EMC3: variants seen among roughly 807,000 people sequenced by gnomAD.
EMC3 encodes 30 kDa protein.
A neutral mutation model predicts 36.6 loss-of-function variants in EMC3; 13 were observed. The observed-to-expected ratio is 0.35, with a 90% confidence interval of 0.23 to 0.56. The LOEUF (loss-of-function observed/expected upper bound fraction) is 0.56. Among genes scored for constraint, EMC3 ranks in the 20% least tolerant of loss-of-function variants. The pLI, the probability that EMC3 is intolerant of heterozygous loss-of-function variation, is 0.84. For synonymous variants in EMC3, 120 were observed against 111.9 expected (o/e 1.07, Z -0.46); for missense variants, 220 against 324.5 (o/e 0.68, Z 2.47).
At chr3:9,969,392 T>G in intron 7 of EMC3, 2 of 1,179,792 alleles carry the variant, frequency 1.7e-6, no homozygotes, top group South Asian at 3.7e-5. Context: ...TAATGCAATT[T>G]ATATCTGATG....
chr3:10,008,404 C>A (rs200165997), intron 1 of EMC3: 2 of 1,367,626 alleles, frequency 1.5e-6, no homozygotes, highest in South Asian at 1.1e-5. Context: ...AAGTGTCTAC[C>A]TGGGCCGGCA....
upstream of EMC3, chr3:9,986,871 C>G (rs562003431): frequency 2.2e-6 from 3 of 1,368,676 alleles, no homozygotes; most frequent in Non-Finnish European, 2.8e-6. Flanking sequence ...CACGTCGTGG[C>G]GCACCTCAGT....
intron 7 of EMC3, 41 bp from the exon 8 acceptor site, chr3:9,964,238 T>C: frequency 1.2e-6 from 2 of 1,607,822 alleles, no homozygotes. Context: ...GAGAGGGAAT[T>C]GTTACTGACA....
At chr3:9,968,769 T>G (rs2085756541) in intron 7 of EMC3, 1 of 151,996 alleles carries the variant, frequency 6.6e-6, no homozygotes, top group African/African-American at 2.4e-5. Flanking sequence ...CTCAGCCTCC[T>G]GGGTGGCTGG....
chr3:9,969,021 C>T (rs1339051443), intron 7 of EMC3: 1 of 152,362 alleles, frequency 6.6e-6, no homozygotes. Context: ...AAAGAGGTTT[C>T]ACCATGTTGG....
rs1553602247 is a variant in EMC3 at position 9,963,450 on chromosome 3, G to GATAGATAGATAGATAGAT, written c.*618_*619insATCTATCTATCTATCTAT. ...CCTTCGAAGACTGGGCTTCTGCTAA[G>GATAGATAGATAGATAGAT]ATAGATATATATATATATATATATA... On this transcript the variant is annotated 3_prime_UTR_variant, in exon 8 of 8. Transcript: ENST00000245046. 1 of 77,650 alleles carries GATAGATAGATAGATAGAT rather than the reference G, an allele frequency of 1.3e-5. No individual in the cohort carries two copies. The allele number at this position is 77,650 out of a possible 1,614,324, so 4.8% of individuals were successfully genotyped here. A position where few individuals can be genotyped will look rare whatever the true frequency, so the allele number is the denominator to read the frequency against.
At chr3:9,995,010 A>C (rs181756262) in intron 1 of EMC3, among the ~76,000 whole-genome samples, 1 of 151,464 alleles carries the variant, frequency 6.6e-6, no homozygotes, top group African/African-American at 2.4e-5. Flanking sequence ...AACGCATCTG[A>C]ATGGAACTTT....
chr3:9,981,051 A>G (rs1414344002), intron 1 of EMC3, among the ~76,000 whole-genome samples: 1 of 152,130 alleles, frequency 6.6e-6, no homozygotes, highest in Non-Finnish European at 1.5e-5. Context: ...AAAAAAATTT[A>G]AACATTAGCC....
chr3:10,007,388 A>G (rs1490372007), intron 1 of EMC3: 1 of 1,366,892 alleles, frequency 7.3e-7, no homozygotes, highest in Non-Finnish European at 9.8e-7. Flanking sequence ...CCTGGGAACC[A>G]GACTGTGCTG....
chr3:9,978,893 A>T (rs2085879993), intron 1 of EMC3, among the ~76,000 whole-genome samples: 2 of 152,136 alleles, frequency 1.3e-5, no homozygotes, highest in Non-Finnish European at 2.9e-5. Flanking sequence ...GTCTCTACTC[A>T]ATACAAACCA....
intron 7 of EMC3, among the ~76,000 whole-genome samples, 171 bp from the exon 8 acceptor site, chr3:9,964,368 C>A (rs183463756): frequency 1.3e-5 from 2 of 152,238 alleles, no homozygotes; most frequent in Non-Finnish European, 2.9e-5. Flanking sequence ...TCTCCTCCCC[C>A]TCTTCCTGCC....
At position 9,986,670 on chromosome 3, in the gene EMC3, A is replaced by G; in HGVS notation, c.-9T>C. ...AGTTCTGGCCCTGCCATCTTCACTG[A>G]AAGCTGGTTCCCAGTCTGGAATGGG... On this transcript the variant is annotated 5_prime_UTR_variant, in exon 1 of 8. Transcript: ENST00000245046. 2 of 1,613,560 alleles carry G rather than the reference A, an allele frequency of 1.2e-6. No individual in the cohort carries two copies. The highest frequency in any genetic ancestry group is 1.7e-6 in the Non-Finnish European group (2 of 1,179,624).
intron 1 of EMC3, chr3:10,008,952 A>G (rs1365965664): frequency 6.3e-6 from 1 of 157,950 alleles, no homozygotes; most frequent in Non-Finnish European, 1.4e-5. Context: ...AGGTTGCCTG[A>G]TAGAGCAGGC....
At chr3:9,972,562 G>A (rs2085798169) in intron 5 of EMC3, among the ~76,000 whole-genome samples, 1 of 151,310 alleles carries the variant, frequency 6.6e-6, no homozygotes, top group South Asian at 2.1e-4. Context: ...CTTGAGGTCA[G>A]TAGTTCGAGA....
At chr3:9,971,963 G>A (rs1017596304) in intron 5 of EMC3, among the ~76,000 whole-genome samples, 6 of 152,136 alleles carry the variant, frequency 3.9e-5, no homozygotes, top group African/African-American at 1.4e-4. Context: ...AGATATTGTA[G>A]CAGTATTTTC....
intron 1 of EMC3, among the ~76,000 whole-genome samples, chr3:9,977,978 T>C (rs1157662289): frequency 6.6e-6 from 1 of 151,596 alleles, no homozygotes; most frequent in Non-Finnish European, 1.5e-5. Context: ...AATTACTAGG[T>C]GATCTTAAAT....
At chr3:9,997,292 G>A (rs527647286) in intron 1 of EMC3, among the ~76,000 whole-genome samples, 92 of 149,952 alleles carry the variant, frequency 6.1e-4, no homozygotes, top group Middle Eastern at 3.4e-3. Context: ...GGATGGTCTC[G>A]ATCTCCTGAC....
upstream of EMC3, among the ~76,000 whole-genome samples, chr3:9,991,118 G>A (rs1464559813): frequency 7.9e-5 from 12 of 151,970 alleles, no homozygotes; most frequent in Admixed American, 5.2e-4. Context: ...GTGAGCCACC[G>A]CGCCCGGCCA....
Position 9,986,590 on chromosome 3 carries a change from A to T in EMC3, c.72T>A (p.Thr24=), listed in dbSNP as rs2085975395. The T allele has an allele frequency of 6.2e-7, 1 of 1,614,076 alleles. No individual in the cohort carries two copies. Among genetic ancestry groups the T allele is most frequent in the Non-Finnish European group, 8.5e-7 (1 of 1,180,046 alleles). The part of the protein sequence containing the change: ...LWVVLPIVII[T]FFVGMIRHYV... ...AGTGGCGGATCATGCCTACGAAGAAAGTGATGATAACGATGGGTAGGACCA... is the reference window on the plus strand; with the variant it reads ...AGTGGCGGATCATGCCTACGAAGAATGTGATGATAACGATGGGTAGGACCA... Residue 24 remains threonine (T), a synonymous_variant, in exon 1 of 8, where the codon ACT becomes ACA. Coordinates refer to ENST00000245046, the MANE Select transcript of EMC3 (RefSeq NM_001394674.1).
Sources: allele counts gnomAD v4.1 joint callset (sites outside exome capture counted in the v4.1 genomes callset), GRCh38; gene constraint gnomAD v4.1.1; transcripts MANE v1.5; gene names NCBI Gene and HGNC (gene_info 2026-07-23, HGNC 2026-07-21).